RPRD1A: variants seen among roughly 807,000 people sequenced by gnomAD.
RPRD1A encodes regulation of nuclear pre-mRNA domain containing 1A.
Under a neutral mutation model 37.8 loss-of-function variants are expected in RPRD1A, and 9 were observed. That is an observed-to-expected ratio of 0.24 (90% CI 0.14 to 0.42). The LOEUF (loss-of-function observed/expected upper bound fraction) is 0.42, where lower values mean the gene tolerates loss of function less well. Ranked by LOEUF, RPRD1A falls within the 10% of genes least tolerant of loss-of-function variation. The probability of loss-of-function intolerance (pLI) is 1.00; values close to 1 mark genes in which losing one functional copy is unlikely to be tolerated. For synonymous variants in RPRD1A, 138 were observed against 139.7 expected (o/e 0.99, Z 0.08); for missense variants, 255 against 371.0 (o/e 0.69, Z 2.57).
chr18:36,031,825 G>A (rs999831106), intron 2 of RPRD1A, among the ~76,000 whole-genome samples: 3 of 152,146 alleles, frequency 2.0e-5, no homozygotes, highest in African/African-American at 7.2e-5. Context: ...GATCCTCCAA[G>A]AGCTACCAAT....
intron 1 of RPRD1A, among the ~76,000 whole-genome samples, chr18:36,048,279 G>A (rs1444384429): frequency 1.3e-5 from 2 of 151,856 alleles, no homozygotes; most frequent in African/African-American, 2.4e-5. Flanking sequence ...TTGGTCAGGT[G>A]GGTCTCAAAC....
rs553321421 is a variant in RPRD1A, at chr18:36,008,198, T to C, written c.790-14898A>G. Among the ~76,000 whole-genome samples, 23 of 152,282 alleles carry C rather than the reference T, an allele frequency of 1.5e-4. 1 individual carries two copies. The South Asian group carries it at 3.9e-3, about 26-fold the overall frequency. ...GAGGCTACATTTTTAAAAGGCATTGTCTGTATTTTAATAATTTACCTAAGA... is the reference window on the plus strand; with the variant it reads ...GAGGCTACATTTTTAAAAGGCATTGCCTGTATTTTAATAATTTACCTAAGA... On this transcript the variant is annotated intron_variant, in intron 6 of 6. Transcript: ENST00000399022.
chr18:36,061,121 A>G (rs986296658), intron 1 of RPRD1A, among the ~76,000 whole-genome samples: 11 of 152,174 alleles, frequency 7.2e-5, no homozygotes, highest in Non-Finnish European at 1.5e-4. Flanking sequence ...CAACTTGTTC[A>G]AAGAGGTCTT....
chr18:36,037,811 A>C (rs1416557004), intron 1 of RPRD1A, among the ~76,000 whole-genome samples: 1 of 152,194 alleles, frequency 6.6e-6, no homozygotes, highest in Non-Finnish European at 1.5e-5. Flanking sequence ...ACTGGAATAA[A>C]GGTGACTCTC....
intron 6 of RPRD1A, among the ~76,000 whole-genome samples, chr18:36,016,749 T>C (rs1247593543): frequency 6.6e-6 from 1 of 152,176 alleles, no homozygotes; most frequent in Non-Finnish European, 1.5e-5. Flanking sequence ...GGAAGAAATA[T>C]AAACGCTAAA....
chr18:36,018,431 G>A (rs1910755644), intron 6 of RPRD1A, among the ~76,000 whole-genome samples: 1 of 151,938 alleles, frequency 6.6e-6, no homozygotes, highest in African/African-American at 2.4e-5. Context: ...CCGCCACCAC[G>A]CCCAACTAAT....
chr18:36,021,844 T>A (rs555830383), intron 6 of RPRD1A, among the ~76,000 whole-genome samples: 25 of 152,086 alleles, frequency 1.6e-4, no homozygotes, highest in African/African-American at 5.5e-4. Context: ...TACAAAAAAA[T>A]TTTAAAATTA....
chr18:36,013,385 G>C (rs1191435274), intron 6 of RPRD1A, among the ~76,000 whole-genome samples: 2 of 152,088 alleles, frequency 1.3e-5, no homozygotes, highest in East Asian at 3.8e-4. Context: ...TGAAGATTCA[G>C]AACATTCAAT....
chr18:36,028,117 CT>C (rs1201037661), intron 4 of RPRD1A: 1 of 151,914 alleles, frequency 6.6e-6, no homozygotes, highest in East Asian at 1.9e-4. Flanking sequence ...TCCAGCCCAT[CT>C]TTTTCATCTT....
At chr18:36,027,583 T>C (rs1435287705) in intron 4 of RPRD1A, 2 of 287,038 alleles carry the variant, frequency 7.0e-6, no homozygotes, top group African/African-American at 2.1e-5. Flanking sequence ...ATTTGAGTAC[T>C]AAAATGAGGT....
rs746733002 is a variant in RPRD1A at position 36,027,087 on chromosome 18, A to G, written c.614-12T>C. 6.2e-7 allele frequency: 1 copy of G among 1,613,430 alleles called. No individual in the cohort carries two copies. Among genetic ancestry groups the G allele is most frequent in the South Asian group, 1.1e-5 (1 of 91,022 alleles). ...TCCAGATTCTTTATCTAAGAAAAGC[A>G]CGGGATAATAAAATATTATACAACA... On this transcript the variant is annotated splice_polypyrimidine_tract_variant and intron_variant, in intron 5 of 6. Transcript: ENST00000399022.
chr18:36,039,147 G>A (rs1348665823), intron 1 of RPRD1A, among the ~76,000 whole-genome samples: 3 of 152,240 alleles, frequency 2.0e-5, no homozygotes, highest in Admixed American at 6.5e-5. Context: ...ATATGGTTTG[G>A]CTGTGTCCCC....
At chr18:36,054,608 G>C (rs1913632276) in intron 1 of RPRD1A, among the ~76,000 whole-genome samples, 1 of 152,180 alleles carries the variant, frequency 6.6e-6, no homozygotes, top group Non-Finnish European at 1.5e-5. Context: ...GAGAGGGAGA[G>C]AGAGAAATAT....
In RPRD1A at chr18:36,034,608, A is replaced by G. The variant is rs189817342; in HGVS notation, c.152-771T>C. Among the ~76,000 whole-genome samples the G allele has an allele frequency of 1.8e-4, 27 of 152,274 alleles. No homozygotes were observed. The East Asian group carries it at 5.0e-3, about 28-fold the overall frequency. ...GAACATAATATTTTATACTATTCTT[A>G]TATTTTACTAGAATTAAATTTGAAT... On this transcript the variant is annotated intron_variant, in intron 1 of 6. Transcript: ENST00000399022.
At chr18:36,017,891 T>C (rs1910703661) in intron 6 of RPRD1A, among the ~76,000 whole-genome samples, 1 of 152,230 alleles carries the variant, frequency 6.6e-6, no homozygotes, top group Non-Finnish European at 1.5e-5. Flanking sequence ...CTTTACAAAT[T>C]CAGTACTTAT....
At chr18:35,995,803 A>C (rs1050284511) in intron 6 of RPRD1A, among the ~76,000 whole-genome samples, 4 of 152,208 alleles carry the variant, frequency 2.6e-5, no homozygotes, top group Non-Finnish European at 5.9e-5. Context: ...TCCTATCAAC[A>C]CTATCACTCA....
rs191520776 is a variant in RPRD1A at position 36,057,905 on chromosome 18, T to A, written c.151+9349A>T. ...TTGTATTACTGTGCAGTTACTAGTT[T>A]GGCAAAGTCCATTTGCCTGGCTGAT... On this transcript the variant is annotated intron_variant, in intron 1 of 6. Coordinates refer to ENST00000399022, the MANE Select transcript of RPRD1A (RefSeq NM_018170.5). Among the ~76,000 whole-genome samples the A allele has an allele frequency of 1.9e-3, 292 of 152,344 alleles. 1 individual carries two copies. The highest frequency in any genetic ancestry group is 3.2e-3 in the Admixed American group (49 of 15,308).
chr18:36,057,164 C>T (rs1913847483), intron 1 of RPRD1A, among the ~76,000 whole-genome samples: 1 of 151,538 alleles, frequency 6.6e-6, no homozygotes, highest in East Asian at 1.9e-4. Flanking sequence ...CTGCAGTGGG[C>T]CTTGATTGGC....
intron 1 of RPRD1A, among the ~76,000 whole-genome samples, chr18:36,038,304 C>T (rs1464706598): frequency 2.0e-5 from 3 of 152,212 alleles, no homozygotes; most frequent in African/African-American, 7.2e-5. Flanking sequence ...GGATTTGGTG[C>T]CCTACCTCCC....
Sources: allele counts gnomAD v4.1 joint callset (sites outside exome capture counted in the v4.1 genomes callset), GRCh38; gene constraint gnomAD v4.1.1; transcripts MANE v1.5; gene names NCBI Gene and HGNC (gene_info 2026-07-23, HGNC 2026-07-21).